The following SKAP1 variants were observed in gnomAD, a reference collection of about 807,000 sequenced individuals.
SKAP1 encodes the protein src kinase associated phosphoprotein 1, also known as src kinase-associated phosphoprotein 1.
A neutral mutation model predicts 58.5 loss-of-function variants in SKAP1; 44 were observed. The observed-to-expected ratio is 0.75, with a 90% CI of 0.59 to 0.97. The LOEUF (loss-of-function observed/expected upper bound fraction) is 0.97, where lower values mean the gene tolerates loss of function less well. Ranked by LOEUF, SKAP1 falls within the 50% of genes least tolerant of loss-of-function variation. SKAP1 has a pLI of 0.00. For synonymous variants in SKAP1, 127 were observed against 149.7 expected (o/e 0.85, Z 1.11); for missense variants, 390 against 435.2 (o/e 0.90, Z 0.92).
chr17:48,141,701 G>GTTA (rs1245942539), intron 11 of SKAP1, among the ~76,000 whole-genome samples: 1 of 152,080 alleles, frequency 6.6e-6, no homozygotes, highest in Non-Finnish European at 1.5e-5. Context: ...TAACAAAGTA[G>GTTA]ACAAGGCCCT....
At chr17:48,297,847 G>A (rs2065999914) in intron 4 of SKAP1, among the ~76,000 whole-genome samples, 1 of 152,220 alleles carries the variant, frequency 6.6e-6, no homozygotes, top group Admixed American at 6.5e-5. Flanking sequence ...GCTGGCTTCA[G>A]AAATTTTGGC....
intron 9 of SKAP1, among the ~76,000 whole-genome samples, chr17:48,174,480 T>C (rs2064262350): frequency 6.6e-6 from 1 of 152,166 alleles, no homozygotes; most frequent in Non-Finnish European, 1.5e-5. Flanking sequence ...TTATCTCAGA[T>C]CTTTCCATGA....
At chr17:48,235,919 C>T (rs182986631) in intron 4 of SKAP1, among the ~76,000 whole-genome samples, 153 of 152,278 alleles carry the variant, frequency 1.0e-3, no homozygotes, top group Non-Finnish European at 1.4e-3. Flanking sequence ...CAAGGGACCA[C>T]ACTTGCTTTT....
chr17:48,136,525 C>T (rs1261238720), intron 12 of SKAP1: 1 of 152,234 alleles, frequency 6.6e-6, no homozygotes, highest in African/African-American at 2.4e-5. Context: ...GACAGGATGG[C>T]TGGAGATTGA....
chr17:48,210,481 C>T (rs2064859115), intron 4 of SKAP1, among the ~76,000 whole-genome samples: 1 of 152,088 alleles, frequency 6.6e-6, no homozygotes, highest in Non-Finnish European at 1.5e-5. Context: ...GCTGGAGGGC[C>T]TTGGTGAGGT....
chr17:48,155,123 G>GAT (rs1338854302), intron 11 of SKAP1, among the ~76,000 whole-genome samples: 2 of 151,390 alleles, frequency 1.3e-5, no homozygotes, highest in African/African-American at 4.9e-5. Context: ...TGATGATGAT[G>GAT]ATGATGATTT....
At chr17:48,204,977 C>CTTTTCTTTTCTTTTCT (rs67682493) in intron 4 of SKAP1, among the ~76,000 whole-genome samples, 3 of 69,320 alleles carry the variant, frequency 4.3e-5, no homozygotes, top group African/African-American at 1.3e-4. Context: ...CTTTTCTTTT[C>CTTTTCTTTTCTTTTCT]TTTCTTTCTT....
intron 4 of SKAP1, among the ~76,000 whole-genome samples, chr17:48,192,518 A>G (rs2064561176): frequency 2.6e-5 from 4 of 152,112 alleles, no homozygotes; most frequent in Admixed American, 2.6e-4. Flanking sequence ...TATTACATTA[A>G]TGTGCCCACA....
At chr17:48,271,775 G>T (rs2065636407) in intron 4 of SKAP1, among the ~76,000 whole-genome samples, 1 of 152,070 alleles carries the variant, frequency 6.6e-6, no homozygotes, top group Admixed American at 6.5e-5. Flanking sequence ...CCAATCTTCT[G>T]ATTTGACTTG....
chr17:48,143,800 A>G (rs1018968688), intron 11 of SKAP1, among the ~76,000 whole-genome samples: 1 of 152,196 alleles, frequency 6.6e-6, no homozygotes, highest in Non-Finnish European at 1.5e-5. Flanking sequence ...CATCACCTGC[A>G]GGGGACAGTA....
intron 4 of SKAP1, among the ~76,000 whole-genome samples, chr17:48,249,499 C>T (rs553372490): frequency 1.3e-5 from 2 of 152,026 alleles, no homozygotes. Context: ...ATGATGAAAC[C>T]CTGTCTCTAC....
intron 1 of SKAP1, among the ~76,000 whole-genome samples, chr17:48,405,986 G>A (rs2067577484): frequency 6.6e-6 from 1 of 151,908 alleles, no homozygotes; most frequent in Non-Finnish European, 1.5e-5. Flanking sequence ...CAGAATACAG[G>A]CTGGGCCCAG....
intron 11 of SKAP1, among the ~76,000 whole-genome samples, chr17:48,150,985 C>G (rs2063896370): frequency 6.6e-6 from 1 of 150,402 alleles, no homozygotes; most frequent in South Asian, 2.1e-4. Flanking sequence ...CTTAGGAGGT[C>G]AACAGTTGAA....
chr17:48,245,666 G>A (rs2065288013), intron 4 of SKAP1, among the ~76,000 whole-genome samples: 1 of 152,070 alleles, frequency 6.6e-6, no homozygotes, highest in Admixed American at 6.6e-5. Flanking sequence ...GTGCTTCAAT[G>A]TCCTCATCTA....
At chr17:48,155,130 A>G (rs1329478098) in intron 11 of SKAP1, among the ~76,000 whole-genome samples, 2 of 150,484 alleles carry the variant, frequency 1.3e-5, no homozygotes, top group African/African-American at 4.9e-5. Flanking sequence ...GATGATGATG[A>G]TTTTTATTTT....
intron 4 of SKAP1, among the ~76,000 whole-genome samples, chr17:48,282,924 T>C (rs2065785818): frequency 1.3e-5 from 2 of 152,178 alleles, no homozygotes; most frequent in South Asian, 4.1e-4. Context: ...AGCAATTATG[T>C]AATTCCATGT....
intron 10 of SKAP1, among the ~76,000 whole-genome samples, chr17:48,167,693 C>T (rs902127118): frequency 3.3e-5 from 5 of 151,910 alleles, no homozygotes; most frequent in African/African-American, 1.2e-4. Flanking sequence ...GAAGGAGGTA[C>T]GGGTGGGAGG....
chr17:48,151,207 T>C (rs990007774), intron 11 of SKAP1, among the ~76,000 whole-genome samples: 4 of 151,938 alleles, frequency 2.6e-5, no homozygotes. Flanking sequence ...TGGCATAGAG[T>C]ATAATTTGGT....
chr17:48,438,002 C>T, the SKAP1 span, among the ~76,000 whole-genome samples: 1 of 152,110 alleles, frequency 6.6e-6, no homozygotes, highest in Non-Finnish European at 1.5e-5. Flanking sequence ...CGGCCTCCCA[C>T]ATCCAATTTC....
Sources: gnomAD v4.1 joint callset for allele counts (sites outside exome capture counted in the v4.1 genomes callset) on GRCh38, gnomAD v4.1.1 for gene constraint, MANE v1.5 for transcripts, NCBI Gene and HGNC (gene_info 2026-07-23, HGNC 2026-07-21) for gene names.